Variants in ABTB3 observed in about 807,000 individuals in gnomAD.
The protein encoded by ABTB3 is ankyrin repeat- and BTB/POZ domain-containing protein 3.
At chr12:107,467,966 C>G in the ABTB3 span, among the ~76,000 whole-genome samples, 1 of 151,974 alleles carries the variant, frequency 6.6e-6, no homozygotes, top group African/African-American at 2.4e-5. Flanking sequence ...AGAGGCCCCC[C>G]TCTCCCCATG....
chr12:107,553,617 G>A, the ABTB3 span, among the ~76,000 whole-genome samples: 25 of 152,182 alleles, frequency 1.6e-4, no homozygotes, highest in African/African-American at 6.0e-4. Context: ...TTGATAAGGT[G>A]GCAGGACGTT....
At chr12:107,447,879 C>A in the ABTB3 span, among the ~76,000 whole-genome samples, 1 of 152,172 alleles carries the variant, frequency 6.6e-6, no homozygotes, top group Non-Finnish European at 1.5e-5. Context: ...AACCTCTGAG[C>A]TCCCTCCGGG....
At chr12:107,542,412 G>A in the ABTB3 span, among the ~76,000 whole-genome samples, 1 of 152,052 alleles carries the variant, frequency 6.6e-6, no homozygotes, top group African/African-American at 2.4e-5. Context: ...GTAGGACAGG[G>A]CAAGTGCATT....
chr12:107,541,610 T>G, the ABTB3 span, among the ~76,000 whole-genome samples: 1 of 152,256 alleles, frequency 6.6e-6, no homozygotes, highest in South Asian at 2.1e-4. Flanking sequence ...TTCGGAGAAC[T>G]TCAGTCTTTT....
At chr12:107,640,400 A>G in the ABTB3 span, 1 of 1,580,252 alleles carries the variant, frequency 6.3e-7, no homozygotes. Flanking sequence ...GCTGTTATTT[A>G]CAGCCTCTCC....
At chr12:107,380,409 A>G in the ABTB3 span, among the ~76,000 whole-genome samples, 1 of 152,234 alleles carries the variant, frequency 6.6e-6, no homozygotes, top group East Asian at 1.9e-4. Flanking sequence ...CGCCCACACC[A>G]GAACTTGGCT....
At chr12:107,594,236 C>G in the ABTB3 span, among the ~76,000 whole-genome samples, 1 of 152,170 alleles carries the variant, frequency 6.6e-6, no homozygotes, top group South Asian at 2.1e-4. Context: ...GACATGTGCA[C>G]CGTAATTTCA....
At chr12:107,573,831 G>A in the ABTB3 span, among the ~76,000 whole-genome samples, 6 of 152,182 alleles carry the variant, frequency 3.9e-5, no homozygotes, top group Non-Finnish European at 8.8e-5. Flanking sequence ...GCCCACCCAT[G>A]TTATGGATGA....
At chr12:107,605,058 T>C in the ABTB3 span, among the ~76,000 whole-genome samples, 1 of 152,186 alleles carries the variant, frequency 6.6e-6, no homozygotes, top group Non-Finnish European at 1.5e-5. Flanking sequence ...TAAATAAGTA[T>C]GTGAGGTAAG....
At chr12:107,615,211 C>T in the ABTB3 span, 1 of 1,439,380 alleles carries the variant, frequency 6.9e-7, no homozygotes, top group Non-Finnish European at 9.8e-7. Context: ...TTTACCTCTT[C>T]CATAACACAC....
chr12:107,411,890 T>C, the ABTB3 span, among the ~76,000 whole-genome samples: 6 of 152,222 alleles, frequency 3.9e-5, no homozygotes, highest in Non-Finnish European at 7.3e-5. Flanking sequence ...CATCTAGCCA[T>C]ACTCAGACCG....
chr12:107,332,056 G>A, the ABTB3 span, among the ~76,000 whole-genome samples: 2 of 152,230 alleles, frequency 1.3e-5, no homozygotes, highest in South Asian at 4.1e-4. Flanking sequence ...AGCCTCGAGG[G>A]GCAGCTGGGA....
the ABTB3 span, among the ~76,000 whole-genome samples, chr12:107,563,988 T>G: frequency 6.6e-6 from 1 of 152,052 alleles, no homozygotes; most frequent in East Asian, 1.9e-4. Flanking sequence ...CTGGCAGCAA[T>G]GTGAAAGGAT....
chr12:107,319,300 C>A, the ABTB3 span: 1 of 1,543,436 alleles, frequency 6.5e-7, no homozygotes, highest in Non-Finnish European at 8.7e-7. Flanking sequence ...GCCCGGCGGT[C>A]CCCGGCGGCC....
the ABTB3 span, chr12:107,320,724 G>C: frequency 2.2e-6 from 1 of 455,348 alleles, no homozygotes; most frequent in Non-Finnish European, 4.4e-6. Context: ...CACAGCTGGT[G>C]GGGGCTGCGG....
chr12:107,509,273 GA>G, the ABTB3 span, among the ~76,000 whole-genome samples: 1 of 152,224 alleles, frequency 6.6e-6, no homozygotes, highest in Non-Finnish European at 1.5e-5. Flanking sequence ...GGATTACATG[GA>G]AAGGGAAGGT....
the ABTB3 span, chr12:107,581,169 C>T: frequency 6.5e-7 from 1 of 1,541,962 alleles, no homozygotes; most frequent in Non-Finnish European, 8.7e-7. Context: ...CTCGTGCTGC[C>T]GCCGCTGATG....
At chr12:107,434,122 C>T in the ABTB3 span, among the ~76,000 whole-genome samples, 1 of 152,240 alleles carries the variant, frequency 6.6e-6, no homozygotes, top group African/African-American at 2.4e-5. Context: ...TGAACACTGA[C>T]CACCATGGGT....
chr12:107,510,562 C>G, the ABTB3 span, among the ~76,000 whole-genome samples: 2 of 151,886 alleles, frequency 1.3e-5, no homozygotes, highest in African/African-American at 4.8e-5. Context: ...AGAAATAAAA[C>G]AGAGTGAGGG....
Sources: gnomAD v4.1 joint callset for allele counts (sites outside exome capture counted in the v4.1 genomes callset) on GRCh38, gnomAD v4.1.1 for gene constraint, MANE v1.5 for transcripts, NCBI Gene and HGNC (gene_info 2026-07-23, HGNC 2026-07-21) for gene names.